The following ARHGAP29 variants were observed in gnomAD, a reference collection of about 807,000 sequenced individuals.
ARHGAP29 encodes rho GTPase-activating protein 29.
Under a neutral mutation model 122.6 loss-of-function variants are expected in ARHGAP29, and 43 were observed. The ratio of observed to expected loss-of-function variants is 0.35; its 90% CI spans 0.27 to 0.45. The LOEUF is 0.45. ARHGAP29 is among the 20% of genes least tolerant of loss of function. ARHGAP29 has a pLI of 1.00. For missense variants in ARHGAP29, 1,303 were observed against 1,477.2 expected, an observed-to-expected ratio of 0.88 and a Z score of 1.93; for synonymous variants, 506 against 497.1, an observed-to-expected ratio of 1.02 and a Z score of -0.24.
rs539117671 is a variant in ARHGAP29, at chr1:94,226,722, C to T, written c.205+4685G>A. Among the ~76,000 whole-genome samples the T allele has an allele frequency of 2.1e-4, 32 of 151,620 alleles. 1 individual carries two copies. Among genetic ancestry groups the T allele is most frequent in the African/African-American group, 6.0e-4 (25 of 41,416 alleles). On this transcript the variant is annotated intron_variant, in intron 2 of 22. Coordinates refer to ENST00000260526, the MANE Select transcript of ARHGAP29 (RefSeq NM_004815.4). ...AACTGGTACAGGTGTAATAAATGAG[C>T]TACTTGTATTTCATACTTCGTTTCT... is the stretch of plus-strand genomic sequence containing the variant.
chr1:94,208,919 TA>T lies in ARHGAP29; in HGVS notation c.438-16del, dbSNP rs1333747089. The stretch of plus-strand genomic sequence containing the variant: ...AGTTTGTAAGGCTATCCAAGGAGGT[TA>T]AAAAAAGAAAGACAAGTCATTATAC... On this transcript the variant is annotated splice_polypyrimidine_tract_variant and intron_variant, in intron 4 of 22. Transcript: ENST00000260526. 1 of 1,608,214 alleles carries T rather than the reference TA, an allele frequency of 6.2e-7. No homozygotes were observed. Among genetic ancestry groups the T allele is most frequent in the African/African-American group, 1.3e-5 (1 of 74,818 alleles).
At chr1:94,294,280 A>ACG in the ARHGAP29 span, among the ~76,000 whole-genome samples, 42 of 151,882 alleles carry the variant, frequency 2.8e-4, no homozygotes, top group African/African-American at 7.3e-4. Flanking sequence ...ACACACACAC[A>ACG]CACGCGCATA....
chr1:94,244,133 A>G (rs998965590), intron 1 of ARHGAP29, among the ~76,000 whole-genome samples: 1 of 151,942 alleles, frequency 6.6e-6, no homozygotes, highest in African/African-American at 2.4e-5. Context: ...AATACAGGAG[A>G]CAAGAACACT....
chr1:94,273,071 A>C (rs1482365142), intron 1 of ARHGAP29, among the ~76,000 whole-genome samples: 1 of 152,198 alleles, frequency 6.6e-6, no homozygotes, highest in Non-Finnish European at 1.5e-5. Context: ...TCAATTGGAC[A>C]CTGTGACCAA....
chr1:94,257,581 A>G (rs1046107901), intron 1 of ARHGAP29, among the ~76,000 whole-genome samples: 2 of 152,206 alleles, frequency 1.3e-5, no homozygotes, highest in Middle Eastern at 3.4e-3. Context: ...ATAGTGGCAC[A>G]TGCCTGTGGT....
rs761041430 is a variant in ARHGAP29 at position 94,205,148 on chromosome 1, A to T, written c.610T>A (p.Ser204Thr). 1 of 1,609,076 alleles carries T rather than the reference A, an allele frequency of 6.2e-7. No homozygotes were observed. The highest frequency in any genetic ancestry group is 8.5e-7 in the Non-Finnish European group (1 of 1,178,328). ...LDNVLLKNTD[S>T]IELALSYAKT... ...GCATATGACAAAGCCAGCTCGATAG[A>T]GTCAGTGTTCTTTAACAGCACGTTG... Residue 204 changes from serine to threonine, a missense_variant, in exon 7 of 23, where the codon TCT becomes ACT. Transcript: ENST00000260526.
chr1:94,205,246 C>A (rs1651117722), intron 6 of ARHGAP29, 48 bp from the exon 7 acceptor site: 1 of 1,391,402 alleles, frequency 7.2e-7, no homozygotes. Context: ...GTGATCACAT[C>A]ATAACTCCAA....
At chr1:94,184,590 T>A (rs7552886) in intron 18 of ARHGAP29, among the ~76,000 whole-genome samples, 3,567 of 141,428 alleles carry the variant, frequency 0.025, 109 homozygotes, top group African/African-American at 0.08. Flanking sequence ...CAGAAAAAAA[T>A]TTTTTTTTTT....
In ARHGAP29 at chr1:94,272,798, C is replaced by T. The variant is rs544521460; in HGVS notation, c.-33+2214G>A. Among the ~76,000 whole-genome samples, 16 of 152,264 alleles carry T rather than the reference C, an allele frequency of 1.1e-4. No homozygotes were observed. In the East Asian group the frequency reaches 2.9e-3, roughly 28 times the overall value. On this transcript the variant is annotated intron_variant and NMD_transcript_variant, in intron 1 of 25. Coordinates refer to the ARHGAP29 transcript ENST00000552844. ...TATACCTGCTCCCTTGCCCCTGTAT[C>T]CTTCATGGGCTTTGTCCCCAGTAGA...
chr1:94,281,534 T>C, the ARHGAP29 span, among the ~76,000 whole-genome samples: 5 of 152,146 alleles, frequency 3.3e-5, no homozygotes, highest in African/African-American at 7.2e-5. Flanking sequence ...CAGGAACATA[T>C]CAAAGCATTC....
In ARHGAP29 at chr1:94,178,102, C is replaced by T. The variant is rs1649224993; in HGVS notation, c.2546G>A (p.Ser849Asn). ...SKNLGVIFGP[S>N]LIRPRPTTAP... ...AGTTGTGGGCCTTGGCCTAATGAGA[C>T]TTGGTCCAAATATCACCCCCAAGTT... Residue 849 changes from serine (S) to asparagine (N), a missense_variant, in exon 21 of 23, where the codon AGT (serine) becomes AAT (asparagine). Ser to Asn is a conservative substitution (Grantham distance 46, BLOSUM62 1). Around this residue, in one of 3 missense-constraint regions of ARHGAP29, gnomAD observed 620 missense variants for 651.2 expected, o/e 0.95. Coordinates refer to ENST00000260526, the MANE Select transcript of ARHGAP29 (RefSeq NM_004815.4). 6.2e-7 allele frequency: 1 copy of T among 1,614,028 alleles called. No individual in the cohort carries two copies. Among genetic ancestry groups the T allele is most frequent in the Non-Finnish European group, 8.5e-7 (1 of 1,180,018 alleles).
At chr1:94,238,928 C>G (rs534975666), upstream of ARHGAP29, among the ~76,000 whole-genome samples, 5 of 152,178 alleles carry the variant, frequency 3.3e-5, no homozygotes, top group South Asian at 8.3e-4. Context: ...TAAGAAAATA[C>G]AACAAATTTG....
At chr1:94,211,989 G>A (rs1208457732) in intron 3 of ARHGAP29, among the ~76,000 whole-genome samples, 2 of 151,932 alleles carry the variant, frequency 1.3e-5, no homozygotes, top group African/African-American at 2.4e-5. Context: ...TAACCCAGGT[G>A]TCAAAGAAGA....
intron 12 of ARHGAP29, among the ~76,000 whole-genome samples, chr1:94,199,295 A>C (rs1255711918): frequency 6.6e-6 from 1 of 152,158 alleles, no homozygotes; most frequent in Non-Finnish European, 1.5e-5. Flanking sequence ...ACAAGTAGAC[A>C]CCTACAAATA....
chr1:94,232,456 C>A (rs1171600040), intron 1 of ARHGAP29, among the ~76,000 whole-genome samples: 1 of 152,176 alleles, frequency 6.6e-6, no homozygotes, highest in African/African-American at 2.4e-5. Flanking sequence ...ACTAATCTGA[C>A]ATACTCTGAC....
the ARHGAP29 span, among the ~76,000 whole-genome samples, chr1:94,289,435 AGG>A: frequency 6.6e-6 from 1 of 152,208 alleles, no homozygotes; most frequent in Non-Finnish European, 1.5e-5. Flanking sequence ...TCATCTGCAA[AGG>A]CAGGGACAGT....
In ARHGAP29 at chr1:94,189,299, T is replaced by G; in HGVS notation, c.1493A>C (p.Asn498Thr). ...AAGGCGTACAACATCCTCTAAAGAG[T>G]TGGCAGGTCCAAATCCTGAAGGTTG... ...SSQPSGFGPANSLEDVVRLPD... is the reference protein window; with the variant it reads ...SSQPSGFGPATSLEDVVRLPD... Residue 498 changes from asparagine to threonine, a missense_variant, in exon 14 of 23, where the codon AAC (asparagine) becomes ACC (threonine). By Grantham distance (65) the Asn-to-Thr change is moderately conservative. Transcript: ENST00000260526. 1 of 1,612,952 alleles carries G rather than the reference T, an allele frequency of 6.2e-7. No homozygotes were observed. Among genetic ancestry groups the G allele is most frequent in the Non-Finnish European group, 8.5e-7 (1 of 1,179,434 alleles).
chr1:94,229,498 C>T (rs777437022), intron 2 of ARHGAP29, among the ~76,000 whole-genome samples: 17 of 151,534 alleles, frequency 1.1e-4, no homozygotes, highest in Non-Finnish European at 1.9e-4. Context: ...ATTTTGATAA[C>T]GATATTTCAA....
the ARHGAP29 span, among the ~76,000 whole-genome samples, chr1:94,282,072 ATAAAAAATCTATGTT>A: frequency 6.6e-6 from 1 of 152,116 alleles, no homozygotes; most frequent in Admixed American, 6.5e-5. Flanking sequence ...CAGAATCACC[ATAAAAAATCTATGTT>A]TAAAAAATCT....
Sources: gnomAD v4.1 joint callset for allele counts (sites outside exome capture counted in the v4.1 genomes callset) on GRCh38, gnomAD v4.1.1 for gene constraint, gnomAD v4.1.1 regional missense constraint, MANE v1.5 for transcripts, NCBI Gene and HGNC (gene_info 2026-07-23, HGNC 2026-07-21) for gene names.